ACTN2: variants seen among roughly 807,000 people sequenced by gnomAD.
The protein encoded by ACTN2 is alpha-actinin-2.
A neutral mutation model predicts 113.8 loss-of-function variants in ACTN2; 39 were observed. The observed-to-expected ratio is 0.34, with a 90% CI of 0.27 to 0.45. The LOEUF is 0.45. Among genes scored for constraint, ACTN2 ranks in the 20% least tolerant of loss-of-function variants. The probability of loss-of-function intolerance (pLI) is 1.00; values close to 1 mark genes in which losing one functional copy is unlikely to be tolerated. For synonymous variants in ACTN2, 429 were observed against 444.1 expected (o/e 0.97, Z 0.43); for missense variants, 992 against 1,177.9 (o/e 0.84, Z 2.31).
intron 7 of ACTN2, 71 bp from the exon 8 acceptor site, chr1:236,735,564 T>C: frequency 1.5e-6 from 2 of 1,360,482 alleles, no homozygotes; most frequent in Non-Finnish European, 2.1e-6. Flanking sequence ...TCTCCCTGGT[T>C]TCTCTCCTTC....
chr1:236,688,404 G>A (rs963949461), intron 1 of ACTN2, among the ~76,000 whole-genome samples: 3 of 151,642 alleles, frequency 2.0e-5, no homozygotes, highest in African/African-American at 7.3e-5. Flanking sequence ...CAGTACAGTA[G>A]CAGGATAGAG....
intron 1 of ACTN2, among the ~76,000 whole-genome samples, chr1:236,713,353 G>A (rs915006089): frequency 2.0e-5 from 3 of 151,690 alleles, no homozygotes; most frequent in African/African-American, 4.8e-5. Context: ...TCAGCCTCCC[G>A]AGTAGCTGGG....
chr1:236,696,194 C>T (rs572205285), intron 1 of ACTN2, among the ~76,000 whole-genome samples: 1 of 151,912 alleles, frequency 6.6e-6, no homozygotes, highest in Non-Finnish European at 1.5e-5. Flanking sequence ...GTAATCCCAG[C>T]TACTCGGGAG....
At chr1:236,732,008 A>G (rs1387208864) in intron 7 of ACTN2, among the ~76,000 whole-genome samples, 1 of 152,180 alleles carries the variant, frequency 6.6e-6, no homozygotes, top group Non-Finnish European at 1.5e-5. Flanking sequence ...TTTATTCATG[A>G]TTTATGCCCT....
chr1:236,749,963 A>G (rs1197840239), intron 14 of ACTN2, among the ~76,000 whole-genome samples: 2 of 152,198 alleles, frequency 1.3e-5, no homozygotes, highest in African/African-American at 2.4e-5. Flanking sequence ...GTTTATTTAG[A>G]TCTACAGAGT....
intron 1 of ACTN2, among the ~76,000 whole-genome samples, chr1:236,689,294 A>G: frequency 7.1e-6 from 1 of 141,078 alleles, no homozygotes; most frequent in Non-Finnish European, 1.5e-5. Flanking sequence ...GCAGTATTAC[A>G]GATGTGATAT....
At chr1:236,746,856 T>C (rs939568970) in intron 12 of ACTN2, among the ~76,000 whole-genome samples, 4 of 152,178 alleles carry the variant, frequency 2.6e-5, no homozygotes, top group African/African-American at 9.7e-5. Context: ...GTCAGAACCT[T>C]TCTGTCTCTA....
intron 1 of ACTN2, among the ~76,000 whole-genome samples, chr1:236,689,373 A>T (rs934558043): frequency 6.9e-5 from 10 of 145,540 alleles, no homozygotes; most frequent in African/African-American, 1.5e-4. Context: ...TATATATATA[A>T]AATATGTAAT....
chr1:236,715,256 A>T (rs546770367), intron 1 of ACTN2, among the ~76,000 whole-genome samples: 1 of 150,256 alleles, frequency 6.7e-6, no homozygotes. Flanking sequence ...TGCTGCACCT[A>T]TTAACTCGTC....
intron 4 of ACTN2, among the ~76,000 whole-genome samples, chr1:236,724,404 G>C (rs771867674): frequency 8.5e-5 from 13 of 152,244 alleles, no homozygotes; most frequent in Non-Finnish European, 1.6e-4. Context: ...CATACCAGAA[G>C]TGCAGGAGAT....
intron 7 of ACTN2, among the ~76,000 whole-genome samples, chr1:236,733,261 C>G (rs942696927): frequency 6.6e-6 from 1 of 152,180 alleles, no homozygotes; most frequent in African/African-American, 2.4e-5. Context: ...AGTAAATTTT[C>G]CAGTTTATTC....
At chr1:236,689,300 GATATATATATAT>G (rs57239117) in intron 1 of ACTN2, among the ~76,000 whole-genome samples, 1,352 of 122,568 alleles carry the variant, frequency 0.011, 28 homozygotes, top group African/African-American at 0.036. Context: ...TTACAGATGT[GATATATATATAT>G]ATATATATAT....
rs1659484923 is a variant in ACTN2, at chr1:236,754,187, T to C, written c.1974+106T>C. 6.9e-6 allele frequency: 10 copies of C among 1,454,126 alleles called. No individual in the cohort carries two copies. Among genetic ancestry groups the C allele is most frequent in the Non-Finnish European group, 8.5e-6 (9 of 1,052,708 alleles). 90.1% of individuals were successfully genotyped at this position (1,454,126 alleles called of 1,614,324 possible). On this transcript the variant is annotated intron_variant, in intron 16 of 20. Transcript: ENST00000366578. The surrounding 1 kb of genome is among the most constrained non-coding windows in gnomAD (Gnocchi z 4.9). ...CTGTGGTTTCCAGCCACCCACTCAG[T>C]CAGGTGGGAGCACCGTTCTGTTATC...
intron 4 of ACTN2, among the ~76,000 whole-genome samples, chr1:236,722,944 G>A (rs559752074): frequency 6.6e-6 from 1 of 152,304 alleles, no homozygotes; most frequent in Admixed American, 6.5e-5. Context: ...TGGATTTGGG[G>A]TTGGAGGAGG....
chr1:236,733,723 G>C (rs1658781264), intron 7 of ACTN2, among the ~76,000 whole-genome samples: 1 of 152,132 alleles, frequency 6.6e-6, no homozygotes, highest in Admixed American at 6.5e-5. Context: ...AATTTCTGCT[G>C]CTCTTTGATG....
In ACTN2 at chr1:236,737,297, G is replaced by GTATTTATATATATATATATATATA; in HGVS notation, c.876+83_876+84insTATTTATATATATATATATATATA. The GTATTTATATATATATATATATATA allele has an allele frequency of 1.9e-4, 61 of 322,144 alleles. 1 individual carries two copies. Among genetic ancestry groups the GTATTTATATATATATATATATATA allele is most frequent in the Middle Eastern group, 8.3e-4 (1 of 1,208 alleles). 20.0% of individuals were successfully genotyped at this position (322,144 alleles called of 1,614,324 possible). A position where few individuals can be genotyped will look rare whatever the true frequency, so the allele number is the denominator to read the frequency against. ...GAGGGTGAAAAAATACTCCGTGGGG[G>GTATTTATATATATATATATATATA]CATATATATATATATATATATTTTG... On this transcript the variant is annotated intron_variant, in intron 9 of 20. Transcript: ENST00000366578.
intron 1 of ACTN2, among the ~76,000 whole-genome samples, chr1:236,707,049 C>T (rs924424393): frequency 2.0e-5 from 3 of 152,190 alleles, no homozygotes; most frequent in African/African-American, 7.2e-5. Context: ...AATTTTAAGG[C>T]TCTTTGGACA....
Position 236,727,666 on chromosome 1 carries a change from A to G in ACTN2, c.537-12A>G. ...CTAACACGTGTTCCTGTTCTTCTCGACGGCTGTGAAGCTGGAAAGATGGCC... is the reference window on the plus strand; with the variant it reads ...CTAACACGTGTTCCTGTTCTTCTCGGCGGCTGTGAAGCTGGAAAGATGGCC... On this transcript the variant is annotated splice_polypyrimidine_tract_variant and intron_variant, in intron 5 of 20. Coordinates refer to ENST00000366578, the MANE Select transcript of ACTN2 (RefSeq NM_001103.4). 3 of 1,613,994 alleles carry G rather than the reference A, an allele frequency of 1.9e-6. No individual in the cohort carries two copies. Among genetic ancestry groups the G allele is most frequent in the Admixed American group, 1.7e-5 (1 of 60,010 alleles).
At position 236,739,292 on chromosome 1, in the gene ACTN2, T is replaced by C; in HGVS notation, c.877-10T>C. 6.2e-7 allele frequency: 1 copy of C among 1,613,928 alleles called. No homozygotes were observed. The highest frequency in any genetic ancestry group is 8.5e-7 in the Non-Finnish European group (1 of 1,179,950). ...GTGTCTTCAGCAGTATTTTTGTGTT[T>C]GCGGAGCAGCTTTTGGAATGGATTC... On this transcript the variant is annotated splice_polypyrimidine_tract_variant and intron_variant, in intron 9 of 20. Transcript: ENST00000366578.
Sources: gnomAD v4.1 joint callset for allele counts (sites outside exome capture counted in the v4.1 genomes callset) on GRCh38, gnomAD v4.1.1 for gene constraint, Gnocchi (gnomAD v3.1) non-coding constraint, MANE v1.5 for transcripts, NCBI Gene and HGNC (gene_info 2026-07-23, HGNC 2026-07-21) for gene names.